The following BTBD9 variants were observed in gnomAD, a reference collection of about 807,000 sequenced individuals.
BTBD9 encodes BTB/POZ domain-containing protein 9.
A neutral mutation model predicts 64.3 loss-of-function variants in BTBD9; 49 were observed. The ratio of observed to expected loss-of-function variants is 0.76; its 90% CI spans 0.61 to 0.97. BTBD9 has a LOEUF of 0.97. BTBD9 is among the 50% of genes least tolerant of loss of function. BTBD9 has a pLI of 0.00. For synonymous variants in BTBD9, 260 were observed against 274.7 expected (o/e 0.95, Z 0.53); for missense variants, 598 against 762.1 (o/e 0.78, Z 2.53).
intron 7 of BTBD9, among the ~76,000 whole-genome samples, chr6:38,303,874 T>TATATATATAC (rs368257334): frequency 0.049 from 3,969 of 81,314 alleles, 175 homozygotes; most frequent in Non-Finnish European, 0.07. Flanking sequence ...TATATATATA[T>TATATATATAC]ACACACACAC....
At chr6:38,178,002 G>T (rs1445370901) in intron 10 of BTBD9, among the ~76,000 whole-genome samples, 2 of 152,204 alleles carry the variant, frequency 1.3e-5, no homozygotes. Context: ...GCCCTAGGCC[G>T]TAACTGCCTG....
chr6:38,612,157 T>C (rs1777635579), intron 1 of BTBD9, among the ~76,000 whole-genome samples: 2 of 152,254 alleles, frequency 1.3e-5, no homozygotes, highest in African/African-American at 4.8e-5. Context: ...GGTAGGACTC[T>C]GTTCTTTCTA....
chr6:38,236,740 T>G (rs560500520), intron 9 of BTBD9, among the ~76,000 whole-genome samples: 70 of 152,342 alleles, frequency 4.6e-4, no homozygotes, highest in Admixed American at 1.8e-3. Flanking sequence ...CTAATGACAT[T>G]TGATTAAAAA....
At chr6:38,606,796 T>C (rs1777445456) in intron 1 of BTBD9, among the ~76,000 whole-genome samples, 1 of 152,182 alleles carries the variant, frequency 6.6e-6, no homozygotes, top group Admixed American at 6.5e-5. Flanking sequence ...TTGAATTAGG[T>C]AGGTACTTTT....
At chr6:38,399,073 G>A (rs1356845405) in intron 6 of BTBD9, among the ~76,000 whole-genome samples, 4 of 152,200 alleles carry the variant, frequency 2.6e-5, no homozygotes, top group African/African-American at 7.2e-5. Context: ...CCTATGGTGA[G>A]AAAAATTTGC....
At chr6:38,424,654 T>C (rs1384778717) in intron 6 of BTBD9, among the ~76,000 whole-genome samples, 2 of 150,164 alleles carry the variant, frequency 1.3e-5, no homozygotes, top group Non-Finnish European at 3.0e-5. Context: ...GCAGCTGGCA[T>C]TACTGGTGCA....
At chr6:38,474,038 A>G (rs1770770171) in intron 6 of BTBD9, among the ~76,000 whole-genome samples, 1 of 152,232 alleles carries the variant, frequency 6.6e-6, no homozygotes. Context: ...ATAAATGGGC[A>G]GTACAGTGGC....
At chr6:38,293,512 C>T (rs1221153475) in intron 7 of BTBD9, among the ~76,000 whole-genome samples, 1 of 152,064 alleles carries the variant, frequency 6.6e-6, no homozygotes, top group Non-Finnish European at 1.5e-5. Context: ...GAAATAATGC[C>T]ACATATCTAC....
intron 6 of BTBD9, among the ~76,000 whole-genome samples, chr6:38,398,528 C>A (rs1203321885): frequency 6.6e-6 from 1 of 152,182 alleles, no homozygotes; most frequent in African/African-American, 2.4e-5. Flanking sequence ...CAATACAAGT[C>A]ACAGCCTGAT....
At chr6:38,290,393 T>G (rs1352972496) in intron 7 of BTBD9, among the ~76,000 whole-genome samples, 1 of 151,984 alleles carries the variant, frequency 6.6e-6, no homozygotes, top group Non-Finnish European at 1.5e-5. Flanking sequence ...AAAAGGGCAG[T>G]ATTCTTTGAT....
chr6:38,374,307 G>GTATATACA, intron 6 of BTBD9, among the ~76,000 whole-genome samples: 1 of 59,094 alleles, frequency 1.7e-5, no homozygotes, highest in African/African-American at 7.9e-5. Context: ...GTATATATAT[G>GTATATACA]TATATATATA....
At chr6:38,552,320 G>A (rs927521679) in intron 6 of BTBD9, among the ~76,000 whole-genome samples, 1 of 152,138 alleles carries the variant, frequency 6.6e-6, no homozygotes, top group African/African-American at 2.4e-5. Context: ...TGAATGCCTG[G>A]GTTGCACAAA....
chr6:38,215,392 G>A (rs760592558), intron 9 of BTBD9, among the ~76,000 whole-genome samples: 2 of 152,230 alleles, frequency 1.3e-5, no homozygotes, highest in South Asian at 2.1e-4. Flanking sequence ...CTCCGGGCTC[G>A]CTAAGCAAAT....
rs150876258 is a variant in BTBD9, at chr6:38,334,654, T to TAAAAC, written c.1264+10325_1264+10329dup. Among the ~76,000 whole-genome samples the TAAAAC allele has an allele frequency of 3.5e-4, 47 of 135,542 alleles. 1 individual carries two copies. The highest frequency in any genetic ancestry group is 9.6e-4 in the Admixed American group (13 of 13,488). 88.9% of individuals were successfully genotyped at this position (135,542 alleles called of 152,430 possible). ...AAATAAATAAAATAATAAAATAAAATAAAACAAAACAAAACAAAACAAAAC... is the reference window on the plus strand; with the variant it reads ...AAATAAATAAAATAATAAAATAAAATAAAACAAAACAAAACAAAACAAAACAAAAC... On this transcript the variant is annotated intron_variant, in intron 7 of 10. Transcript: ENST00000481247.
Position 38,225,623 on chromosome 6 carries a change from A to C in BTBD9, c.1562+30786T>G, listed in dbSNP as rs575911375. Among the ~76,000 whole-genome samples the C allele has an allele frequency of 7.2e-5, 11 of 152,348 alleles. No individual in the cohort carries two copies. The East Asian group carries it at 1.7e-3, about 24-fold the overall frequency. On this transcript the variant is annotated intron_variant, in intron 9 of 10. Coordinates refer to ENST00000481247, the MANE Select transcript of BTBD9 (RefSeq NM_001099272.2). ...AACTTAATGCCTAATGGAAAAACTT[A>C]AGTTATAAATAACTTAAAATTATAA...
chr6:38,499,643 C>T (rs1772106814), intron 6 of BTBD9, among the ~76,000 whole-genome samples: 1 of 152,178 alleles, frequency 6.6e-6, no homozygotes, highest in African/African-American at 2.4e-5. Context: ...GTACACTTCA[C>T]AAACAGTAAT....
chr6:38,368,648 C>T (rs1407699973), intron 6 of BTBD9, among the ~76,000 whole-genome samples: 2 of 152,010 alleles, frequency 1.3e-5, no homozygotes, highest in Non-Finnish European at 2.9e-5. Context: ...CTTTTTTTGA[C>T]TCATGTATTC....
intron 7 of BTBD9, among the ~76,000 whole-genome samples, chr6:38,302,383 T>C (rs900339489): frequency 6.6e-6 from 1 of 151,760 alleles, no homozygotes; most frequent in Non-Finnish European, 1.5e-5. Flanking sequence ...TTCCTGTGCC[T>C]GGCTTTCTTA....
chr6:38,520,078 T>C (rs1773213011), intron 6 of BTBD9, among the ~76,000 whole-genome samples: 1 of 152,020 alleles, frequency 6.6e-6, no homozygotes, highest in Non-Finnish European at 1.5e-5. Flanking sequence ...CACATGCATA[T>C]GCATACACAC....
Sources: allele counts gnomAD v4.1 joint callset (sites outside exome capture counted in the v4.1 genomes callset), GRCh38; gene constraint gnomAD v4.1.1; transcripts MANE v1.5; gene names NCBI Gene and HGNC (gene_info 2026-07-23, HGNC 2026-07-21).